The following ZNF33B variants were observed in gnomAD, a reference collection of about 807,000 sequenced individuals.
The protein encoded by ZNF33B is zinc finger protein 33B.
A neutral mutation model predicts 45.8 loss-of-function variants in ZNF33B; 29 were observed. The observed-to-expected ratio is 0.63, with a 90% CI of 0.47 to 0.86. The LOEUF (loss-of-function observed/expected upper bound fraction) is 0.86. Among genes scored for constraint, ZNF33B ranks in the 40% least tolerant of loss-of-function variants. ZNF33B has a pLI of 0.00. For synonymous variants in ZNF33B, 305 were observed against 307.8 expected (o/e 0.99, Z 0.10); for missense variants, 831 against 909.9 (o/e 0.91, Z 1.12).
chr10:42,580,452 G>T (rs1291722157), intron 1 of ZNF33B, among the ~76,000 whole-genome samples: 1 of 151,768 alleles, frequency 6.6e-6, no homozygotes, highest in Non-Finnish European at 1.5e-5. Flanking sequence ...TGGCCAGGCT[G>T]GTCTTGAACT....
In ZNF33B at chr10:42,610,088, A is replaced by G. The variant is rs374804192; in HGVS notation, c.251-15389T>C. 3.9e-5 allele frequency among the ~76,000 whole-genome samples: 6 copies of G among 152,366 alleles called. No individual in the cohort carries two copies. In the East Asian group the frequency reaches 1.2e-3, roughly 29 times the overall value. On this transcript the variant is annotated intron_variant, in intron 4 of 4. Transcript: ENST00000359467. ...GGGGAAGGGGAATTCAGATTGAAAA[A>G]AAAAAGTGGAACTATATGTATTTGC...
intron 4 of ZNF33B, among the ~76,000 whole-genome samples, chr10:42,613,512 C>T (rs139092373): frequency 0.017 from 2,536 of 150,984 alleles, 77 homozygotes; most frequent in African/African-American, 0.059. Context: ...CACACCACTG[C>T]ACTCCAACCT....
At chr10:42,575,736 A>ATTT (rs796452502) in intron 1 of ZNF33B, among the ~76,000 whole-genome samples, 10 of 143,484 alleles carry the variant, frequency 7.0e-5, no homozygotes, top group African/African-American at 2.3e-4. Context: ...ATACATATAT[A>ATTT]TTTTTTTTTT....
At chr10:42,601,557 T>G (rs1196173888) in intron 4 of ZNF33B, among the ~76,000 whole-genome samples, 1 of 147,828 alleles carries the variant, frequency 6.8e-6, no homozygotes, top group East Asian at 2.1e-4. Flanking sequence ...CACTGCAACT[T>G]CTGCCTCCCA....
chr10:42,609,712 T>A (rs1763340144), intron 4 of ZNF33B, among the ~76,000 whole-genome samples: 1 of 152,144 alleles, frequency 6.6e-6, no homozygotes, highest in African/African-American at 2.4e-5. Context: ...AAGGATTACA[T>A]ACAATGATCA....
intron 4 of ZNF33B, among the ~76,000 whole-genome samples, chr10:42,604,016 T>C (rs1376972824): frequency 6.6e-6 from 1 of 152,216 alleles, no homozygotes; most frequent in Admixed American, 6.5e-5. Flanking sequence ...CAATGTCTAT[T>C]CTTCAACAAA....
chr10:42,577,777 T>TA (rs1281719123), intron 1 of ZNF33B, among the ~76,000 whole-genome samples: 2 of 152,208 alleles, frequency 1.3e-5, no homozygotes, highest in Non-Finnish European at 1.5e-5. Context: ...TGCTTGTAGA[T>TA]AATGTATGCT....
chr10:42,636,056 G>C (rs1839287345), intron 2 of ZNF33B, among the ~76,000 whole-genome samples: 2 of 151,992 alleles, frequency 1.3e-5, no homozygotes. Flanking sequence ...TTGAACCCAG[G>C]AGGCAGAAGT....
chr10:42,586,419 G>A (rs897694190), downstream of ZNF33B, among the ~76,000 whole-genome samples: 6 of 151,524 alleles, frequency 4.0e-5, no homozygotes, highest in African/African-American at 1.5e-4. Flanking sequence ...AGAGTGCTGG[G>A]ATTACAGGCA....
At chr10:42,580,543 T>G (rs1422770989) in intron 1 of ZNF33B, among the ~76,000 whole-genome samples, 1 of 151,658 alleles carries the variant, frequency 6.6e-6, no homozygotes, top group East Asian at 2.0e-4. Context: ...TCGCCTCTAC[T>G]AAGTGTTTTT....
chr10:42,621,159 CAAAAA>C (rs34634412), intron 4 of ZNF33B, among the ~76,000 whole-genome samples: 3 of 126,732 alleles, frequency 2.4e-5, no homozygotes, highest in African/African-American at 3.0e-5. Flanking sequence ...CTGTTTCCAC[CAAAAA>C]AAAAAAAAAA....
intron 4 of ZNF33B, among the ~76,000 whole-genome samples, chr10:42,610,453 G>A (rs1316442454): frequency 1.3e-5 from 2 of 152,152 alleles, no homozygotes; most frequent in African/African-American, 2.4e-5. Context: ...CAGCAGAATC[G>A]CTTGAATCCC....
intron 4 of ZNF33B, among the ~76,000 whole-genome samples, chr10:42,621,634 G>A (rs988789940): frequency 6.6e-6 from 1 of 151,732 alleles, no homozygotes; most frequent in Non-Finnish European, 1.5e-5. Flanking sequence ...ATGCAGTAAA[G>A]GCAGTTGACA....
At chr10:42,581,001 T>C (rs1300337533) in intron 1 of ZNF33B, among the ~76,000 whole-genome samples, 1 of 152,202 alleles carries the variant, frequency 6.6e-6, no homozygotes, top group African/African-American at 2.4e-5. Context: ...GTATCCAGAC[T>C]GTCAACAACT....
At chr10:42,586,001 C>CTCTA (rs1215099066), downstream of ZNF33B, among the ~76,000 whole-genome samples, 5 of 152,222 alleles carry the variant, frequency 3.3e-5, no homozygotes, top group Admixed American at 2.0e-4. Context: ...GGATGCCTTG[C>CTCTA]TCTAGTTCAT....
At chr10:42,577,301 G>A (rs534387235) in intron 1 of ZNF33B, among the ~76,000 whole-genome samples, 7 of 152,180 alleles carry the variant, frequency 4.6e-5, no homozygotes, top group Middle Eastern at 3.4e-3. Context: ...CCCCACTGGT[G>A]CCTCCTCCAG....
Position 42,636,714 on chromosome 10 carries a change from G to A in ZNF33B, c.9+206C>T. 3 of 627,628 alleles carry A rather than the reference G, an allele frequency of 4.8e-6. No homozygotes were observed. The South Asian group carries it at 6.2e-5, about 13-fold the overall frequency. The allele number at this position is 627,628 out of a possible 1,614,324, so 38.9% of individuals were successfully genotyped here. On this transcript the variant is annotated intron_variant, in intron 2 of 4. Transcript: ENST00000359467. ...CTGCGCCTGTAGTCCCAGCCAATCG[G>A]GAGGCTGAGGCAGGTGAATTGCTTG...
At position 42,593,662 on chromosome 10, in the gene ZNF33B, T is replaced by C. The variant is rs780458942; in HGVS notation, c.1288A>G (p.Lys430Glu). ...TGCCCTGTGTGTGTTCTCTGATGTT[T>C]AGTGAGGTCAGATTTCTGGTAAAAA... The part of the protein sequence containing the change: ...KTFYQKSDLT[K>E]HQRTHTGQKP... The change falls in exon 5 of 5, where the codon AAA (lysine) becomes GAA (glutamate). Residue 430 changes from lysine to glutamate, a missense_variant. Transcript: ENST00000359467. The C allele has an allele frequency of 3.7e-6, 6 of 1,614,038 alleles. No homozygotes were observed. The highest frequency in any genetic ancestry group is 1.6e-4 in the Middle Eastern group (1 of 6,062).
chr10:42,616,793 T>C (rs1838339250), intron 4 of ZNF33B, among the ~76,000 whole-genome samples: 1 of 152,138 alleles, frequency 6.6e-6, no homozygotes, highest in Non-Finnish European at 1.5e-5. Flanking sequence ...CCTCCCGGAT[T>C]CAAGCAATTC....
Sources: allele counts gnomAD v4.1 joint callset (sites outside exome capture counted in the v4.1 genomes callset), GRCh38; gene constraint gnomAD v4.1.1; transcripts MANE v1.5; gene names NCBI Gene and HGNC (gene_info 2026-07-23, HGNC 2026-07-21).